Variants in VTI1A observed in about 807,000 individuals in gnomAD.
VTI1A encodes the protein vesicle transport through interaction with t-SNAREs 1A.
A neutral mutation model predicts 34.9 loss-of-function variants in VTI1A; 22 were observed. That is an observed-to-expected ratio of 0.63 (90% CI 0.45 to 0.90). The LOEUF (loss-of-function observed/expected upper bound fraction) is 0.90, where lower values mean the gene tolerates loss of function less well. Among genes scored for constraint, VTI1A ranks in the 40% least tolerant of loss-of-function variants. The probability of loss-of-function intolerance (pLI) is 0.00; values close to 1 mark genes in which losing one functional copy is unlikely to be tolerated. For synonymous variants in VTI1A, 87 were observed against 97.3 expected (o/e 0.89, Z 0.62); for missense variants, 268 against 275.6 (o/e 0.97, Z 0.20).
At chr10:112,573,730 G>A (rs563729595) in intron 5 of VTI1A, among the ~76,000 whole-genome samples, 1 of 152,278 alleles carries the variant, frequency 6.6e-6, no homozygotes, top group South Asian at 2.1e-4. Context: ...AAAAATGCAT[G>A]TTAGTTGAGG....
At chr10:112,535,746 T>G (rs1850595849) in intron 4 of VTI1A, among the ~76,000 whole-genome samples, 1 of 152,004 alleles carries the variant, frequency 6.6e-6, no homozygotes, top group Admixed American at 6.6e-5. Flanking sequence ...TGGGATGGAG[T>G]GTGGGGGCAA....
intron 5 of VTI1A, among the ~76,000 whole-genome samples, chr10:112,621,087 A>G (rs1845716040): frequency 1.3e-5 from 2 of 152,164 alleles, no homozygotes; most frequent in Non-Finnish European, 2.9e-5. Context: ...TTGTTTTGGT[A>G]GTTTTCAATA....
At chr10:112,527,464 C>T (rs1327487011) in intron 4 of VTI1A, 1 of 210,400 alleles carries the variant, frequency 4.8e-6, no homozygotes, top group Non-Finnish European at 9.4e-6. Flanking sequence ...AAGCCAAGGT[C>T]TTCACCTCAA....
At chr10:112,632,035 A>G (rs1030851351) in intron 5 of VTI1A, among the ~76,000 whole-genome samples, 2 of 152,252 alleles carry the variant, frequency 1.3e-5, no homozygotes, top group East Asian at 1.9e-4. Context: ...GTAAAAATAT[A>G]CAACTTGGCC....
chr10:112,793,190 G>C (rs770123011), intron 7 of VTI1A, among the ~76,000 whole-genome samples: 1 of 152,196 alleles, frequency 6.6e-6, no homozygotes, highest in African/African-American at 2.4e-5. Context: ...GGTAACCGGA[G>C]GAAGATTAGC....
intron 7 of VTI1A, among the ~76,000 whole-genome samples, chr10:112,712,340 G>T (rs1042972829): frequency 6.6e-6 from 1 of 152,106 alleles, no homozygotes; most frequent in African/African-American, 2.4e-5. Context: ...CATGACTGTG[G>T]AGGTATGAAA....
intron 5 of VTI1A, among the ~76,000 whole-genome samples, chr10:112,597,693 C>CCTT (rs1844713422): frequency 1.1e-5 from 1 of 90,638 alleles, no homozygotes; most frequent in Admixed American, 1.5e-4. Flanking sequence ...GACCTTGTCT[C>CCTT]TTTTTTTTTT....
chr10:112,554,737 G>A (rs567197373), intron 5 of VTI1A, among the ~76,000 whole-genome samples: 106 of 152,106 alleles, frequency 7.0e-4, no homozygotes, highest in African/African-American at 2.5e-3. Flanking sequence ...ACCTTGGCCA[G>A]GTTTGGGTAC....
intron 5 of VTI1A, among the ~76,000 whole-genome samples, chr10:112,594,517 AACAG>A (rs1230482904): frequency 3.3e-5 from 5 of 152,184 alleles, no homozygotes; most frequent in Admixed American, 2.0e-4. Context: ...ATACACCAAT[AACAG>A]ACAAACAGAG....
chr10:112,807,019 T>C (rs1478582209), intron 7 of VTI1A, among the ~76,000 whole-genome samples: 1 of 152,254 alleles, frequency 6.6e-6, no homozygotes, highest in Non-Finnish European at 1.5e-5. Flanking sequence ...ATGGAATTCT[T>C]ATTCTGAGAT....
chr10:112,792,792 A>C (rs1852531355), intron 7 of VTI1A, among the ~76,000 whole-genome samples: 1 of 152,160 alleles, frequency 6.6e-6, no homozygotes, highest in African/African-American at 2.4e-5. Context: ...GTTTTTTTGA[A>C]CTGAGTTTGG....
At chr10:112,769,620 C>T (rs1851743869) in intron 7 of VTI1A, among the ~76,000 whole-genome samples, 1 of 152,152 alleles carries the variant, frequency 6.6e-6, no homozygotes, top group Non-Finnish European at 1.5e-5. Context: ...CTGAATATCT[C>T]CCTTAGGTTC....
intron 5 of VTI1A, among the ~76,000 whole-genome samples, chr10:112,546,057 C>T (rs780064502): frequency 2.0e-5 from 3 of 149,150 alleles, no homozygotes; most frequent in Admixed American, 6.7e-5. Flanking sequence ...TACGTGTATA[C>T]GCGTATGTGT....
chr10:112,570,290 T>C (rs1396279854), intron 5 of VTI1A, among the ~76,000 whole-genome samples: 2 of 152,150 alleles, frequency 1.3e-5, no homozygotes, highest in Non-Finnish European at 2.9e-5. Context: ...GAAGGTTGCA[T>C]ATTTAAAGTC....
At chr10:112,850,356 A>T in the VTI1A span, among the ~76,000 whole-genome samples, 10 of 78,394 alleles carry the variant, frequency 1.3e-4, no homozygotes, top group Non-Finnish European at 3.0e-4. Context: ...GCACCTTTAA[A>T]GGAAAAAAAA....
the VTI1A span, among the ~76,000 whole-genome samples, chr10:112,854,620 T>C: frequency 6.6e-6 from 1 of 152,142 alleles, no homozygotes; most frequent in Non-Finnish European, 1.5e-5. Flanking sequence ...CAGTTCCCTC[T>C]TATGAAAGAT....
chr10:112,749,343 C>T (rs1590148628), intron 7 of VTI1A, among the ~76,000 whole-genome samples: 1 of 151,328 alleles, frequency 6.6e-6, no homozygotes, highest in Non-Finnish European at 1.5e-5. Flanking sequence ...AGAAAAACTA[C>T]ATTCTTTGAA....
chr10:112,852,214 G>A, the VTI1A span, among the ~76,000 whole-genome samples: 2 of 152,080 alleles, frequency 1.3e-5, no homozygotes, highest in Non-Finnish European at 2.9e-5. Context: ...AGTAGATAAA[G>A]TATACTGTGG....
In VTI1A at chr10:112,657,831, A is replaced by G. The variant is rs11196037; in HGVS notation, c.428-10387A>G. Among the ~76,000 whole-genome samples the G allele has an allele frequency of 3.5e-3, 504 of 145,824 alleles. 7 individuals are homozygous for G. In the East Asian group the frequency reaches 0.039, roughly 11 times the overall value. On this transcript the variant is annotated intron_variant, in intron 5 of 7. Coordinates refer to ENST00000393077, the MANE Select transcript of VTI1A (RefSeq NM_145206.4). Reference sequence around the variant, plus strand: ...TGTGTGTGTGTGTGTTTGTGTGTGTATATATATGCCTTAAAACAGAACAAC... The same window carrying G: ...TGTGTGTGTGTGTGTTTGTGTGTGTGTATATATGCCTTAAAACAGAACAAC...
Sources: allele counts gnomAD v4.1 joint callset (sites outside exome capture counted in the v4.1 genomes callset), GRCh38; gene constraint gnomAD v4.1.1; transcripts MANE v1.5; gene names NCBI Gene and HGNC (gene_info 2026-07-23, HGNC 2026-07-21).